The following DMGDH variants were observed in gnomAD, a reference collection of about 807,000 sequenced individuals.
The protein encoded by DMGDH is dimethylglycine dehydrogenase, also known as dimethylglycine dehydrogenase, mitochondrial.
In DMGDH, 76 loss-of-function variants were observed where a neutral mutation model predicts 95.2. That is an observed-to-expected ratio of 0.80 (90% CI 0.66 to 0.97). DMGDH has a LOEUF of 0.97. Ranked by LOEUF, DMGDH falls within the 50% of genes least tolerant of loss-of-function variation. DMGDH has a pLI of 0.00. For missense variants in DMGDH, 987 were observed against 1,055.0 expected (o/e 0.94, Z 0.89); for synonymous variants, 345 against 377.6 (o/e 0.91, Z 1.00).
intron 14 of DMGDH, chr5:79,021,105 G>C (rs893673731): frequency 5.6e-5 from 55 of 986,286 alleles, no homozygotes; most frequent in Non-Finnish European, 6.5e-5. Flanking sequence ...AGCGTTTTTA[G>C]TTAAGAAGAT....
intron 15 of DMGDH, among the ~76,000 whole-genome samples, chr5:78,999,879 T>G (rs201206676): frequency 7.2e-5 from 11 of 152,034 alleles, no homozygotes; most frequent in African/African-American, 2.4e-4. Context: ...TTTTTTTTTT[T>G]TCTGGTGTGG....
At chr5:79,067,366 T>C (rs562241534) in intron 1 of DMGDH, among the ~76,000 whole-genome samples, 1 of 152,344 alleles carries the variant, frequency 6.6e-6, no homozygotes, top group East Asian at 1.9e-4. Flanking sequence ...GTTGAAACCA[T>C]TATAGTGGTG....
chr5:79,034,404 C>T (rs248386), intron 7 of DMGDH, among the ~76,000 whole-genome samples: 3 of 151,880 alleles, frequency 2.0e-5, no homozygotes, highest in Non-Finnish European at 4.4e-5. Flanking sequence ...GAACACGATG[C>T]GGAAAATAAA....
intron 15 of DMGDH, among the ~76,000 whole-genome samples, chr5:79,003,984 C>A (rs1753501347): frequency 7.0e-6 from 1 of 142,398 alleles, no homozygotes; most frequent in Non-Finnish European, 1.6e-5. Flanking sequence ...AAAATAAATT[C>A]TTAAGAAACT....
chr5:79,058,855 T>A (rs907388451), intron 2 of DMGDH, among the ~76,000 whole-genome samples: 1 of 152,192 alleles, frequency 6.6e-6, no homozygotes, highest in South Asian at 2.1e-4. Flanking sequence ...AAATAATGGA[T>A]AGCATAACGG....
chr5:79,005,921 T>C (rs528183871), intron 14 of DMGDH, among the ~76,000 whole-genome samples: 101 of 152,316 alleles, frequency 6.6e-4, no homozygotes, highest in African/African-American at 2.1e-3. Flanking sequence ...ATTCATTAGT[T>C]CATTCTGAAA....
At chr5:79,008,986 C>T (rs976375193) in intron 14 of DMGDH, among the ~76,000 whole-genome samples, 1 of 152,074 alleles carries the variant, frequency 6.6e-6, no homozygotes, top group African/African-American at 2.4e-5. Flanking sequence ...AAACCTGCAC[C>T]TTTAGATTTT....
chr5:79,057,509 T>C (rs1378065888), intron 2 of DMGDH, among the ~76,000 whole-genome samples: 1 of 151,520 alleles, frequency 6.6e-6, no homozygotes, highest in East Asian at 1.9e-4. Context: ...TCTGGACATA[T>C]CCATGGCTGA....
chr5:79,058,214 C>G (rs761648675), intron 2 of DMGDH, among the ~76,000 whole-genome samples: 1 of 152,170 alleles, frequency 6.6e-6, no homozygotes, highest in Non-Finnish European at 1.5e-5. Context: ...CTCACTCAGA[C>G]ATAGAAATTA....
intron 15 of DMGDH, among the ~76,000 whole-genome samples, chr5:79,002,832 A>G (rs966019745): frequency 5.9e-5 from 9 of 152,256 alleles, no homozygotes; most frequent in Non-Finnish European, 1.2e-4. Context: ...GACTATCTGT[A>G]TGTAAAATGA....
intron 5 of DMGDH, among the ~76,000 whole-genome samples, chr5:79,044,910 A>C (rs1754627300): frequency 6.6e-6 from 1 of 152,206 alleles, no homozygotes; most frequent in Non-Finnish European, 1.5e-5. Flanking sequence ...AAGTACCGTA[A>C]CAAGACTGCC....
intron 14 of DMGDH, among the ~76,000 whole-genome samples, chr5:79,009,266 A>G (rs1753600437): frequency 6.6e-6 from 1 of 151,812 alleles, no homozygotes; most frequent in South Asian, 2.1e-4. Flanking sequence ...TTTCATCCTC[A>G]GACATGAAAT....
intron 14 of DMGDH, among the ~76,000 whole-genome samples, chr5:79,011,814 C>T (rs1443629222): frequency 6.6e-6 from 1 of 152,206 alleles, no homozygotes; most frequent in East Asian, 1.9e-4. Flanking sequence ...GAGGACAGTA[C>T]CAAGGGGGAT....
At chr5:79,051,086 T>C (rs1754839001) in intron 5 of DMGDH, among the ~76,000 whole-genome samples, 1 of 152,026 alleles carries the variant, frequency 6.6e-6, no homozygotes, top group Admixed American at 6.5e-5. Context: ...TTTTTTTGGA[T>C]AACCAAGGAC....
At chr5:79,004,822 T>G (rs1335383507) in intron 15 of DMGDH, among the ~76,000 whole-genome samples, 2 of 152,240 alleles carry the variant, frequency 1.3e-5, no homozygotes, top group Non-Finnish European at 2.9e-5. Flanking sequence ...TTCTAAGGTT[T>G]TACCCTCTAT....
chr5:79,028,501 T>C lies in DMGDH; in HGVS notation c.1964A>G (p.Lys655Arg). Reference protein sequence around the residue: ...TSEDLSDDVFKFLQTKSLKVS... With the variant: ...TSEDLSDDVFRFLQTKSLKVS... ...CTTTAAGGACTTGGTTTGAAGAAAC[T>C]TGAAAACATCATCACTAAGATCTTC... The change falls in exon 12 of 16, where the codon AAG becomes AGG. Residue 655 changes from lysine to arginine, a missense_variant. Physicochemically the swap from Lys to Arg is conservative, Grantham distance 26. Coordinates refer to ENST00000255189, the MANE Select transcript of DMGDH (RefSeq NM_013391.3). 4 of 1,614,186 alleles carry C rather than the reference T, an allele frequency of 2.5e-6. No individual in the cohort carries two copies. Among genetic ancestry groups the C allele is most frequent in the Non-Finnish European group, 3.4e-6 (4 of 1,180,024 alleles).
At chr5:79,007,284 A>T (rs953147167) in intron 14 of DMGDH, among the ~76,000 whole-genome samples, 1 of 152,224 alleles carries the variant, frequency 6.6e-6, no homozygotes, top group South Asian at 2.1e-4. Context: ...GTCCACTTAC[A>T]TGTGGATTTT....
At chr5:79,050,115 G>A (rs1043993973) in intron 5 of DMGDH, among the ~76,000 whole-genome samples, 1 of 151,088 alleles carries the variant, frequency 6.6e-6, no homozygotes, top group Non-Finnish European at 1.5e-5. Context: ...AAATTAGCCG[G>A]GTGTGGTGGC....
chr5:79,045,706 T>C (rs562322025), intron 5 of DMGDH, among the ~76,000 whole-genome samples: 2 of 152,350 alleles, frequency 1.3e-5, no homozygotes, highest in South Asian at 4.1e-4. Flanking sequence ...TTTTGAGTGA[T>C]CATTGAAATG....
Sources: gnomAD v4.1 joint callset for allele counts (sites outside exome capture counted in the v4.1 genomes callset) on GRCh38, gnomAD v4.1.1 for gene constraint, MANE v1.5 for transcripts, NCBI Gene and HGNC (gene_info 2026-07-23, HGNC 2026-07-21) for gene names.